The following FMN1 variants were observed in gnomAD, a reference collection of about 807,000 sequenced individuals.
FMN1 encodes the protein formin-1.
Under a neutral mutation model 132.4 loss-of-function variants are expected in FMN1, and 110 were observed. The ratio of observed to expected loss-of-function variants is 0.83; its 90% confidence interval spans 0.71 to 0.97. The LOEUF (loss-of-function observed/expected upper bound fraction) is 0.97. Ranked by LOEUF, FMN1 falls within the 50% of genes least tolerant of loss-of-function variation. FMN1 has a pLI of 0.00. For missense variants in FMN1, 1,792 were observed against 1,705.3 expected, an observed-to-expected ratio of 1.05 and a Z score of -0.90; for synonymous variants, 722 against 651.7, an observed-to-expected ratio of 1.11 and a Z score of -1.64.
chr15:33,152,382 T>C (rs1246622093), intron 4 of FMN1, among the ~76,000 whole-genome samples: 3 of 152,160 alleles, frequency 2.0e-5, no homozygotes, highest in African/African-American at 7.2e-5. Context: ...AAGTAAAAGA[T>C]ACCTACGGAA....
At chr15:33,020,941 C>A (rs2035386193) in intron 6 of FMN1, among the ~76,000 whole-genome samples, 1 of 152,196 alleles carries the variant, frequency 6.6e-6, no homozygotes, top group South Asian at 2.1e-4. Flanking sequence ...TCTGCTTTCA[C>A]CTCTTTCTTT....
chr15:32,898,894 C>G lies in FMN1; in HGVS notation c.3655-1G>C. The G allele has an allele frequency of 6.3e-7, 1 of 1,580,692 alleles. No individual in the cohort carries two copies. Reference sequence around the variant, plus strand: ...AGTCCACCAGATTAATCCCATTATCCTAGGTTTAAAAGAGAAATGTACATG... The same window carrying G: ...AGTCCACCAGATTAATCCCATTATCGTAGGTTTAAAAGAGAAATGTACATG... On this transcript the variant is annotated splice_acceptor_variant, in intron 14 of 20. Transcript: ENST00000616417. LOFTEE classifies it high-confidence loss of function.
chr15:32,849,375 AC>A (rs2058949221), intron 17 of FMN1, among the ~76,000 whole-genome samples: 1 of 152,018 alleles, frequency 6.6e-6, no homozygotes, highest in Admixed American at 6.5e-5. Flanking sequence ...AAAATAATAT[AC>A]CTAATAATAA....
intron 9 of FMN1, among the ~76,000 whole-genome samples, chr15:32,939,710 C>A (rs1358836398): frequency 6.6e-6 from 1 of 152,040 alleles, no homozygotes; most frequent in Non-Finnish European, 1.5e-5. Context: ...TTTAGTCTCC[C>A]AAATCCATTG....
Position 32,929,280 on chromosome 15 carries a change from C to T in FMN1, c.3139-3019G>A, listed in dbSNP as rs150104791. On this transcript the variant is annotated intron_variant, in intron 9 of 20. Coordinates refer to ENST00000616417, the MANE Select transcript of FMN1 (RefSeq NM_001277313.2). ...AGATCCTTCTATGTTTCCATGTAGC[C>T]ACTCTTGTGAAATACCACCAGGTTT... Among the ~76,000 whole-genome samples the T allele has an allele frequency of 6.6e-4, 101 of 152,256 alleles. No homozygotes were observed. The East Asian group carries it at 0.012, about 17-fold the overall frequency.
rs759306763 is a variant in FMN1, at chr15:32,769,620, A to G, written c.*4690T>C. 4 of 152,120 alleles carry G rather than the reference A, an allele frequency of 2.6e-5. No individual in the cohort carries two copies. Among genetic ancestry groups the G allele is most frequent in the Non-Finnish European group, 4.4e-5 (3 of 68,016 alleles). The allele number at this position is 152,120 out of a possible 1,614,324, so 9.4% of individuals were successfully genotyped here. Reference sequence around the variant, plus strand: ...TCTATACTAATAACAGTTTCCAGGCAGCTGGATTGTTTCTCTCTATAGCTG... The same window carrying G: ...TCTATACTAATAACAGTTTCCAGGCGGCTGGATTGTTTCTCTCTATAGCTG... On this transcript the variant is annotated 3_prime_UTR_variant, in exon 21 of 21. Coordinates refer to ENST00000616417, the MANE Select transcript of FMN1 (RefSeq NM_001277313.2).
At chr15:33,139,018 T>C (rs565820392) in intron 4 of FMN1, among the ~76,000 whole-genome samples, 1 of 152,320 alleles carries the variant, frequency 6.6e-6, no homozygotes, top group African/African-American at 2.4e-5. Flanking sequence ...GCCCACAATT[T>C]TCCAGTCTGG....
At position 32,933,985 on chromosome 15, in the gene FMN1, T is replaced by C. The variant is rs144024471; in HGVS notation, c.3139-7724A>G. Among the ~76,000 whole-genome samples the C allele has an allele frequency of 1.1e-3, 171 of 152,296 alleles. 1 individual carries two copies. The highest frequency in any genetic ancestry group is 4.0e-3 in the African/African-American group (165 of 41,580). ...TTTCTCTATTTGCATTTAAAGTAAT[T>C]ACTGAGAGGCAAGAACTTATTATTG... On this transcript the variant is annotated intron_variant, in intron 9 of 20. Transcript: ENST00000616417.
At chr15:33,051,482 T>C (rs1214215959) in intron 6 of FMN1, among the ~76,000 whole-genome samples, 2 of 120,872 alleles carry the variant, frequency 1.7e-5, no homozygotes, top group African/African-American at 3.2e-5. Flanking sequence ...AGGTGATAGG[T>C]GGTTGTGACA....
chr15:33,038,247 AAAAT>A (rs1290517311), intron 6 of FMN1, among the ~76,000 whole-genome samples: 5 of 152,260 alleles, frequency 3.3e-5, no homozygotes, highest in African/African-American at 7.2e-5. Context: ...AATAAAATAA[AAAAT>A]AAATAAACTA....
At chr15:32,890,084 G>A (rs776359069) in intron 15 of FMN1, among the ~76,000 whole-genome samples, 7 of 152,100 alleles carry the variant, frequency 4.6e-5, no homozygotes, top group South Asian at 2.1e-4. Flanking sequence ...CATCCGGGTC[G>A]CCGAAAATGC....
chr15:33,074,310 A>G (rs2038114013), intron 5 of FMN1, among the ~76,000 whole-genome samples: 1 of 152,246 alleles, frequency 6.6e-6, no homozygotes, highest in Non-Finnish European at 1.5e-5. Context: ...AGAAAAAGCC[A>G]GAGATACCCT....
At chr15:33,048,644 A>AAAAACAAAAACAAAAACAAAAAC (rs1555388958) in intron 6 of FMN1, among the ~76,000 whole-genome samples, 2 of 86,920 alleles carry the variant, frequency 2.3e-5, no homozygotes, top group African/African-American at 8.2e-5. Context: ...AAAAAAAAAA[A>AAAAACAAAAACAAAAACAAAAAC]AAAAACCAAC....
chr15:33,094,174 T>C (rs983523359), intron 4 of FMN1, among the ~76,000 whole-genome samples: 1 of 152,214 alleles, frequency 6.6e-6, no homozygotes, highest in Non-Finnish European at 1.5e-5. Flanking sequence ...CCTTTACTAA[T>C]TATTTGACCT....
At chr15:32,986,999 T>G (rs1596403704) in intron 7 of FMN1, among the ~76,000 whole-genome samples, 1 of 152,194 alleles carries the variant, frequency 6.6e-6, no homozygotes. Flanking sequence ...TTAACTATCC[T>G]ATTCAAACTT....
chr15:32,804,264 A>C lies in FMN1; in HGVS notation c.3980+17T>G. On this transcript the variant is annotated intron_variant, in intron 18 of 20. Transcript: ENST00000616417. ...GCTAGTCAAAGAAAGAACTGGGGCC[A>C]AATCAGAGCTGCTTACCTTTTCTGT... The C allele has an allele frequency of 1.3e-6, 2 of 1,553,352 alleles. No homozygotes were observed. The highest frequency in any genetic ancestry group is 8.7e-7 in the Non-Finnish European group (1 of 1,145,004).
At chr15:32,911,351 T>A (rs1426930735) in intron 10 of FMN1, among the ~76,000 whole-genome samples, 1 of 151,926 alleles carries the variant, frequency 6.6e-6, no homozygotes, top group South Asian at 2.1e-4. Context: ...CAACCCTACC[T>A]CCCTTCCCTG....
chr15:33,018,914 G>A (rs2035245910), intron 6 of FMN1, among the ~76,000 whole-genome samples: 1 of 152,190 alleles, frequency 6.6e-6, no homozygotes, highest in African/African-American at 2.4e-5. Flanking sequence ...TGGCTCAGGA[G>A]TGAAGCTGCA....
At position 33,130,033 on chromosome 15, in the gene FMN1, G is replaced by A. The variant is rs148644496; in HGVS notation, c.1867+23015C>T. On this transcript the variant is annotated intron_variant, in intron 4 of 20. Coordinates refer to ENST00000616417, the MANE Select transcript of FMN1 (RefSeq NM_001277313.2). Reference sequence around the variant, plus strand: ...TGGTCTCATCCATCGTGATCCACCTGCCTTGGTGATCCACCTCGTGATCCA... The same window carrying A: ...TGGTCTCATCCATCGTGATCCACCTACCTTGGTGATCCACCTCGTGATCCA... 2.2e-3 allele frequency among the ~76,000 whole-genome samples: 336 copies of A among 152,164 alleles called. 1 individual carries two copies. Among genetic ancestry groups the A allele is most frequent in the South Asian group, 6.0e-3 (29 of 4,824 alleles).
Sources: gnomAD v4.1 joint callset for allele counts (sites outside exome capture counted in the v4.1 genomes callset) on GRCh38, gnomAD v4.1.1 for gene constraint, MANE v1.5 for transcripts, NCBI Gene and HGNC (gene_info 2026-07-23, HGNC 2026-07-21) for gene names.